GCLM: variants seen among roughly 807,000 people sequenced by gnomAD.
The protein encoded by GCLM is glutamate--cysteine ligase regulatory subunit.
In GCLM, 15 loss-of-function variants were observed where a neutral mutation model predicts 36.0. That is an observed-to-expected ratio of 0.42 (90% confidence interval 0.28 to 0.64). The LOEUF is 0.64. Among genes scored for constraint, GCLM ranks in the 30% least tolerant of loss-of-function variants. The probability of loss-of-function intolerance (pLI) is 0.25; values close to 1 mark genes in which losing one functional copy is unlikely to be tolerated. For synonymous variants in GCLM, 129 were observed against 122.8 expected, an observed-to-expected ratio of 1.05 and a Z score of -0.34; for missense variants, 242 against 325.5, an observed-to-expected ratio of 0.74 and a Z score of 1.97.
chr1:93,901,476 C>G (rs1656945692), intron 3 of GCLM, 109 bp downstream of exon 3: 1 of 711,482 alleles, frequency 1.4e-6, no homozygotes, highest in South Asian at 1.6e-5. Context: ...AAAAGAATTT[C>G]TGTATTTCCC....
chr1:93,905,606 CA>C (rs11310647), intron 1 of GCLM, among the ~76,000 whole-genome samples: 1,644 of 151,114 alleles, frequency 0.011, 37 homozygotes, highest in African/African-American at 0.037. Context: ...CTTAGATAAA[CA>C]AAAAAAAATT....
At chr1:93,889,260 C>A in intron 6 of GCLM, 101 bp from the exon 7 acceptor site, 1 of 636,132 alleles carries the variant, frequency 1.6e-6, no homozygotes, top group East Asian at 3.1e-5. Context: ...AAAGAAACAC[C>A]TCAACATTTA....
chr1:93,895,974 T>G (rs1284305058), intron 5 of GCLM, among the ~76,000 whole-genome samples: 1 of 150,498 alleles, frequency 6.6e-6, no homozygotes, highest in Non-Finnish European at 1.5e-5. Context: ...TTTTTTTTTT[T>G]TTTTTTGAGA....
intron 4 of GCLM, among the ~76,000 whole-genome samples, chr1:93,897,542 G>C (rs1206127244): frequency 6.6e-6 from 1 of 150,754 alleles, no homozygotes; most frequent in Non-Finnish European, 1.5e-5. Context: ...CCGTTGTTTG[G>C]TTTTGATATT....
At chr1:93,907,385 T>C (rs1297276324) in intron 1 of GCLM, among the ~76,000 whole-genome samples, 1 of 152,214 alleles carries the variant, frequency 6.6e-6, no homozygotes, top group Non-Finnish European at 1.5e-5. Flanking sequence ...GAAATCAACA[T>C]TTTAAAAATT....
chr1:93,896,697 A>G lies in GCLM; in HGVS notation c.461T>C (p.Val154Ala). ...QPYWEELENL[V>A]QSKKIVAIGT... ...TATGGCAACAATCTTTTTGCTCTGAACTAAGTTTTCTAATTCCTCCCAGTA... is the reference window on the plus strand; with the variant it reads ...TATGGCAACAATCTTTTTGCTCTGAGCTAAGTTTTCTAATTCCTCCCAGTA... Residue 154 changes from valine (V) to alanine (A), a missense_variant, in exon 5 of 7, where the codon GTT becomes GCT. Transcript: ENST00000370238. The G allele has an allele frequency of 6.2e-7, 1 of 1,613,934 alleles. No individual in the cohort carries two copies. Among genetic ancestry groups the G allele is most frequent in the Non-Finnish European group, 8.5e-7 (1 of 1,179,818 alleles).
At chr1:93,894,879 T>C (rs2100911270) in intron 5 of GCLM, 151 bp from the exon 6 acceptor site, 2 of 574,388 alleles carry the variant, frequency 3.5e-6, no homozygotes, top group South Asian at 4.5e-5. Context: ...TTTACATTAA[T>C]ATCTTTATTA....
chr1:93,909,366 G>A lies in GCLM; in HGVS notation c.-203C>T. ...CGGCTGGGCGGCGGCGGGAAAGGAAGGCACCGGTGGCTGCGGCTCCGGCTC... is the reference window on the plus strand; with the variant it reads ...CGGCTGGGCGGCGGCGGGAAAGGAAAGCACCGGTGGCTGCGGCTCCGGCTC... On this transcript the variant is annotated 5_prime_UTR_variant, in exon 1 of 7. Transcript: ENST00000370238. 1 of 959,038 alleles carries A rather than the reference G, an allele frequency of 1.0e-6. No individual in the cohort carries two copies. Among genetic ancestry groups the A allele is most frequent in the South Asian group, 4.9e-5 (1 of 20,564 alleles). The allele number at this position is 959,038 out of a possible 1,614,324, so 59.4% of individuals were successfully genotyped here. A position where few individuals can be genotyped will look rare whatever the true frequency, so the allele number is the denominator to read the frequency against.
chr1:93,888,930 C>T lies in GCLM; in HGVS notation c.*60G>A. 1 of 1,169,870 alleles carries T rather than the reference C, an allele frequency of 8.5e-7. No homozygotes were observed. Among genetic ancestry groups the T allele is most frequent in the Non-Finnish European group, 1.2e-6 (1 of 835,186 alleles). The allele number at this position is 1,169,870 out of a possible 1,614,324, so 72.5% of individuals were successfully genotyped here. A position where few individuals can be genotyped will look rare whatever the true frequency, so the allele number is the denominator to read the frequency against. ...TTTACAGGCAGTAACTAGATTTTTA[C>T]ACATCTCAATTTTCTCTCATATTGA... On this transcript the variant is annotated 3_prime_UTR_variant, in exon 7 of 7. Coordinates refer to ENST00000370238, the MANE Select transcript of GCLM (RefSeq NM_002061.4).
intron 1 of GCLM, chr1:93,908,701 G>A (rs1457882436): frequency 1.1e-5 from 2 of 186,594 alleles, no homozygotes; most frequent in African/African-American, 4.7e-5. Flanking sequence ...GAGATGTGGA[G>A]AGAGACGGAG....
rs1423137899 is a variant in GCLM at position 93,887,755 on chromosome 1, A to C, written c.*1235T>G. On this transcript the variant is annotated 3_prime_UTR_variant, in exon 7 of 7. Transcript: ENST00000370238. ...AGTGCTGGGATTACAGGTGTGAGCCACTGCGCCCGGATGAAATACAAGAGA... is the reference window on the plus strand; with the variant it reads ...AGTGCTGGGATTACAGGTGTGAGCCCCTGCGCCCGGATGAAATACAAGAGA... 6.6e-6 allele frequency: 1 copy of C among 152,230 alleles called. No individual in the cohort carries two copies. Among genetic ancestry groups the C allele is most frequent in the East Asian group, 1.9e-4 (1 of 5,182 alleles). The allele number at this position is 152,230 out of a possible 1,614,324, so 9.4% of individuals were successfully genotyped here. A position where few individuals can be genotyped will look rare whatever the true frequency, so the allele number is the denominator to read the frequency against.
At chr1:93,894,794 A>C (rs1336156581) in intron 5 of GCLM, 66 bp from the exon 6 acceptor site, 1 of 756,340 alleles carries the variant, frequency 1.3e-6, no homozygotes, top group East Asian at 2.6e-5. Context: ...GTAGAAAGCA[A>C]TAAGCAATAA....
chr1:93,908,460 C>T (rs1012417992), intron 1 of GCLM, among the ~76,000 whole-genome samples: 1 of 152,136 alleles, frequency 6.6e-6, no homozygotes, highest in African/African-American at 2.4e-5. Context: ...ACTGATAAAG[C>T]ATACATAGAC....
intron 1 of GCLM, among the ~76,000 whole-genome samples, chr1:93,908,227 ATGAC>A (rs1657214037): frequency 1.3e-5 from 2 of 152,348 alleles, no homozygotes; most frequent in South Asian, 4.1e-4. Flanking sequence ...TGTGCAGTGG[ATGAC>A]TATCCGCTCA....
At chr1:93,905,564 T>G (rs985953801) in intron 1 of GCLM, among the ~76,000 whole-genome samples, 1 of 152,210 alleles carries the variant, frequency 6.6e-6, no homozygotes, top group Non-Finnish European at 1.5e-5. Flanking sequence ...TCGTAACATT[T>G]AGGTGCACCT....
intron 1 of GCLM, among the ~76,000 whole-genome samples, chr1:93,908,472 C>A (rs771761932): frequency 5.3e-5 from 8 of 152,070 alleles, no homozygotes; most frequent in Non-Finnish European, 1.0e-4. Flanking sequence ...TACATAGACG[C>A]ACAGATAAGT....
chr1:93,904,067 T>C (rs3827715), intron 2 of GCLM, among the ~76,000 whole-genome samples: 39,840 of 152,126 alleles, frequency 0.26, 5,334 homozygotes, highest in Admixed American at 0.35. Flanking sequence ...GATTTCAAAA[T>C]GTGTTTTAGG....
rs1303561690 is a variant in GCLM, at chr1:93,888,327, T to C, written c.*663A>G. ...AATAATTTCAAAGCTTCTAGTCTCC[T>C]TTCAGATTTACTTTGGTTTGTCTTT... is the stretch of plus-strand genomic sequence containing the variant. On this transcript the variant is annotated 3_prime_UTR_variant, in exon 7 of 7. Transcript: ENST00000370238. 3 of 152,328 alleles carry C rather than the reference T, an allele frequency of 2.0e-5. No homozygotes were observed. Among genetic ancestry groups the C allele is most frequent in the African/African-American group, 7.2e-5 (3 of 41,580 alleles). The allele number at this position is 152,328 out of a possible 1,614,324, so 9.4% of individuals were successfully genotyped here.
chr1:93,903,474 C>CTTTT (rs376727900), intron 2 of GCLM, among the ~76,000 whole-genome samples: 1 of 131,660 alleles, frequency 7.6e-6, no homozygotes, highest in African/African-American at 2.8e-5. Context: ...CCACGCCTGG[C>CTTTT]TTTTTTTTTT....
Sources: gnomAD v4.1 joint callset for allele counts (sites outside exome capture counted in the v4.1 genomes callset) on GRCh38, gnomAD v4.1.1 for gene constraint, MANE v1.5 for transcripts, NCBI Gene and HGNC (gene_info 2026-07-23, HGNC 2026-07-21) for gene names.